The following CFDP1 variants were observed in gnomAD, a reference collection of about 807,000 sequenced individuals.
CFDP1 encodes chromatin remodeling protein CFDP1.
In CFDP1, 31 loss-of-function variants were observed where a neutral mutation model predicts 40.1. The ratio of observed to expected loss-of-function variants is 0.77; its 90% CI spans 0.58 to 1.04. CFDP1 has a LOEUF of 1.04. CFDP1 is among the 50% of genes least tolerant of loss of function. CFDP1 has a pLI of 0.00. For missense variants in CFDP1, 423 were observed against 343.4 expected, an observed-to-expected ratio of 1.23 and a Z score of -1.83; for synonymous variants, 167 against 120.0, an observed-to-expected ratio of 1.39 and a Z score of -2.56.
intron 1 of CFDP1, among the ~76,000 whole-genome samples, chr16:75,428,372 T>G (rs765537480): frequency 2.0e-5 from 3 of 152,114 alleles, no homozygotes; most frequent in Non-Finnish European, 4.4e-5. Flanking sequence ...TCCCAGCACT[T>G]TGGGAGGCCG....
At chr16:75,342,169 G>T (rs1332221695) in intron 5 of CFDP1, among the ~76,000 whole-genome samples, 2 of 152,122 alleles carry the variant, frequency 1.3e-5, no homozygotes, top group African/African-American at 4.8e-5. Context: ...CTATGCCAAT[G>T]ATTTTATAAC....
At chr16:75,342,508 GGTA>G (rs2078533795) in intron 5 of CFDP1, among the ~76,000 whole-genome samples, 1 of 152,188 alleles carries the variant, frequency 6.6e-6, no homozygotes, top group Non-Finnish European at 1.5e-5. Context: ...AAAAGGGGCA[GGTA>G]GTAAGGAGGT....
At chr16:75,401,792 T>C (rs964736731) in intron 4 of CFDP1, among the ~76,000 whole-genome samples, 2 of 152,076 alleles carry the variant, frequency 1.3e-5, no homozygotes, top group Admixed American at 6.6e-5. Flanking sequence ...CTGAGACAAT[T>C]AGGTCAACAT....
At chr16:75,417,566 A>T (rs1266289011) in intron 1 of CFDP1, among the ~76,000 whole-genome samples, 1 of 152,224 alleles carries the variant, frequency 6.6e-6, no homozygotes, top group East Asian at 1.9e-4. Flanking sequence ...AAAAAGCGAC[A>T]CTAGAAGGAT....
intron 5 of CFDP1, among the ~76,000 whole-genome samples, chr16:75,349,398 T>C (rs900656403): frequency 1.3e-5 from 2 of 150,942 alleles, no homozygotes; most frequent in African/African-American, 4.9e-5. Context: ...TAATCCCAGT[T>C]ACTCAGGAGG....
chr16:75,363,054 G>T (rs1305418463), intron 5 of CFDP1: 1 of 152,038 alleles, frequency 6.6e-6, no homozygotes, highest in African/African-American at 2.4e-5. Context: ...ATCACCACCA[G>T]GAAACATATG....
chr16:75,404,116 A>G (rs2079078776), intron 4 of CFDP1, among the ~76,000 whole-genome samples: 1 of 151,756 alleles, frequency 6.6e-6, no homozygotes, highest in African/African-American at 2.4e-5. Context: ...TGGGCAACAG[A>G]GTAAGACCGT....
intron 3 of CFDP1, among the ~76,000 whole-genome samples, chr16:75,412,232 T>C (rs2079169416): frequency 6.6e-6 from 1 of 152,194 alleles, no homozygotes; most frequent in African/African-American, 2.4e-5. Context: ...TTGGCCAGGC[T>C]GGTCTCGAAC....
At chr16:75,319,790 T>G (rs2078349372) in intron 5 of CFDP1, among the ~76,000 whole-genome samples, 1 of 152,122 alleles carries the variant, frequency 6.6e-6, no homozygotes, top group African/African-American at 2.4e-5. Flanking sequence ...AAAGAGCCCT[T>G]AGGAAGCAAT....
At position 75,321,394 on chromosome 16, in the gene CFDP1, A is replaced by T. The variant is rs537537358; in HGVS notation, c.651-16212T>A. Among the ~76,000 whole-genome samples, 6 of 152,208 alleles carry T rather than the reference A, an allele frequency of 3.9e-5. No homozygotes were observed. In the South Asian group the frequency reaches 1.2e-3, roughly 32 times the overall value. The stretch of plus-strand genomic sequence containing the variant: ...CACAATCTCATTTTAGAAAATTGCC[A>T]CTCCTGCCAAAAAGCCCCTTATATC... On this transcript the variant is annotated intron_variant, in intron 5 of 6. Transcript: ENST00000283882.
At chr16:75,399,134 G>A (rs540121907) in intron 4 of CFDP1, among the ~76,000 whole-genome samples, 2 of 150,644 alleles carry the variant, frequency 1.3e-5, no homozygotes, top group East Asian at 3.9e-4. Flanking sequence ...AACTGTACAA[G>A]AGACCCTGAG....
chr16:75,426,684 A>C (rs1362487441), intron 1 of CFDP1, among the ~76,000 whole-genome samples: 1 of 152,104 alleles, frequency 6.6e-6, no homozygotes, highest in Non-Finnish European at 1.5e-5. Flanking sequence ...TCAAAAAAAC[A>C]CCAAAAAAAA....
At chr16:75,424,381 G>C (rs758776565) in intron 1 of CFDP1, among the ~76,000 whole-genome samples, 64 of 152,166 alleles carry the variant, frequency 4.2e-4, no homozygotes, top group Non-Finnish European at 6.6e-4. Flanking sequence ...CAGGCAGACA[G>C]ACACACACGG....
At chr16:75,417,708 A>G (rs563907936) in intron 1 of CFDP1, among the ~76,000 whole-genome samples, 2 of 152,166 alleles carry the variant, frequency 1.3e-5, no homozygotes, top group African/African-American at 4.8e-5. Flanking sequence ...ATAAATAAAC[A>G]TAACTGTATA....
At chr16:75,430,717 G>A (rs892396970) in intron 1 of CFDP1, among the ~76,000 whole-genome samples, 10 of 152,178 alleles carry the variant, frequency 6.6e-5, no homozygotes, top group African/African-American at 2.4e-4. Context: ...ACCAGCCTCT[G>A]CCTCCCTAAG....
chr16:75,389,424 T>TA (rs2078929532), intron 5 of CFDP1, among the ~76,000 whole-genome samples: 2 of 152,240 alleles, frequency 1.3e-5, no homozygotes, highest in South Asian at 2.1e-4. Flanking sequence ...TTTGGCTTTT[T>TA]ATAGCCTAAG....
chr16:75,401,378 A>G (rs1035616185), intron 4 of CFDP1, among the ~76,000 whole-genome samples: 2 of 149,178 alleles, frequency 1.3e-5, no homozygotes, highest in Non-Finnish European at 3.0e-5. Context: ...CAGTGAGCCA[A>G]GATTGCACCA....
At chr16:75,315,359 A>AAG (rs2078317789) in intron 5 of CFDP1, among the ~76,000 whole-genome samples, 4 of 145,454 alleles carry the variant, frequency 2.8e-5, no homozygotes, top group Admixed American at 2.0e-4. Flanking sequence ...AAAAAAAAAA[A>AAG]AGAGAAGGGT....
At chr16:75,318,162 G>A (rs142931697) in intron 5 of CFDP1, among the ~76,000 whole-genome samples, 2 of 152,076 alleles carry the variant, frequency 1.3e-5, no homozygotes, top group African/African-American at 4.8e-5. Context: ...AAAGGTCAAT[G>A]ACCCTTCTCA....
Sources: gnomAD v4.1 joint callset for allele counts (sites outside exome capture counted in the v4.1 genomes callset) on GRCh38, gnomAD v4.1.1 for gene constraint, MANE v1.5 for transcripts, NCBI Gene and HGNC (gene_info 2026-07-23, HGNC 2026-07-21) for gene names.